Variants in NCKAP5 observed in about 807,000 individuals in gnomAD.
The protein encoded by NCKAP5 is nck-associated protein 5.
NCKAP5 carries 92 observed loss-of-function variants against 167.0 expected under a neutral mutation model. The observed-to-expected ratio is 0.55, with a 90% CI of 0.47 to 0.66. The LOEUF (loss-of-function observed/expected upper bound fraction) is 0.66, where lower values mean the gene tolerates loss of function less well. Among genes scored for constraint, NCKAP5 ranks in the 30% least tolerant of loss-of-function variants. The pLI, the probability that NCKAP5 is intolerant of heterozygous loss-of-function variation, is 0.00. For missense variants in NCKAP5, 2,378 were observed against 2,315.0 expected, an observed-to-expected ratio of 1.03 and a Z score of -0.56; for synonymous variants, 891 against 877.4, an observed-to-expected ratio of 1.02 and a Z score of -0.27.
At chr2:133,117,123 G>C (rs185706840) in intron 6 of NCKAP5, 2 of 152,230 alleles carry the variant, frequency 1.3e-5, no homozygotes, top group Admixed American at 1.3e-4. Context: ...AATATCTTCC[G>C]TAGAGGACTG....
chr2:133,182,664 G>A (rs2084786932), intron 5 of NCKAP5, among the ~76,000 whole-genome samples: 1 of 152,066 alleles, frequency 6.6e-6, no homozygotes, highest in South Asian at 2.1e-4. Context: ...TTCATACATT[G>A]GAAGAGAAGT....
chr2:133,493,598 A>G (rs75836564), intron 3 of NCKAP5, among the ~76,000 whole-genome samples: 1,570 of 152,318 alleles, frequency 0.01, 25 homozygotes, highest in African/African-American at 0.036. Context: ...CCCAAAAAGG[A>G]ATGAATAAAT....
rs1038913814 is a variant in NCKAP5 at position 133,330,642 on chromosome 2, G to T, written c.70-27532C>A. Among the ~76,000 whole-genome samples the T allele has an allele frequency of 2.5e-4, 38 of 152,126 alleles. No individual in the cohort carries two copies. In the East Asian group the frequency reaches 6.4e-3, roughly 26 times the overall value. ...CAGTGGCTCATGCCTATCACCCAAGGCTTTGGGAGGTTGAATCAGGAGGAT... is the reference window on the plus strand; with the variant it reads ...CAGTGGCTCATGCCTATCACCCAAGTCTTTGGGAGGTTGAATCAGGAGGAT... On this transcript the variant is annotated intron_variant, in intron 3 of 19. Coordinates refer to ENST00000409261, the MANE Select transcript of NCKAP5 (RefSeq NM_207363.3).
At chr2:133,036,077 A>G (rs549665534) in intron 6 of NCKAP5, among the ~76,000 whole-genome samples, 8 of 152,070 alleles carry the variant, frequency 5.3e-5, no homozygotes, top group African/African-American at 4.8e-5. Context: ...AAAATCTAGA[A>G]GAAATGGAAA....
chr2:133,158,183 T>C (rs1411971476), intron 5 of NCKAP5, among the ~76,000 whole-genome samples: 2 of 152,214 alleles, frequency 1.3e-5, no homozygotes, highest in African/African-American at 4.8e-5. Flanking sequence ...AGGTTTTCAC[T>C]GGAATCTATT....
chr2:133,453,469 A>G (rs1691668884), intron 3 of NCKAP5, among the ~76,000 whole-genome samples: 1 of 152,154 alleles, frequency 6.6e-6, no homozygotes, highest in African/African-American at 2.4e-5. Context: ...CTAACACATT[A>G]GTAATAGAGG....
intron 6 of NCKAP5, among the ~76,000 whole-genome samples, chr2:133,023,971 C>G (rs1052018647): frequency 6.6e-6 from 1 of 152,160 alleles, no homozygotes; most frequent in African/African-American, 2.4e-5. Flanking sequence ...ACTGGCTCTC[C>G]TGCATATATT....
chr2:133,076,839 G>C (rs1242430977), intron 6 of NCKAP5, among the ~76,000 whole-genome samples: 1 of 152,164 alleles, frequency 6.6e-6, no homozygotes, highest in Non-Finnish European at 1.5e-5. Flanking sequence ...AGAGCAAAGA[G>C]CCTTTCTGGA....
rs557166270 is a variant in NCKAP5 at position 133,448,302 on chromosome 2, G to A, written c.69+69156C>T. Among the ~76,000 whole-genome samples, 13 of 151,094 alleles carry A rather than the reference G, an allele frequency of 8.6e-5. No homozygotes were observed. The South Asian group carries it at 2.3e-3, about 27-fold the overall frequency. On this transcript the variant is annotated intron_variant, in intron 3 of 19. Coordinates refer to ENST00000409261, the MANE Select transcript of NCKAP5 (RefSeq NM_207363.3). ...TGGTGGCCACAATTTAAAAGCTTCC[G>A]GAAACTCTTTTCCACAAATCAAACC... is the stretch of plus-strand genomic sequence containing the variant.
intron 7 of NCKAP5, among the ~76,000 whole-genome samples, chr2:132,976,636 G>T (rs1002357937): frequency 2.0e-5 from 3 of 151,344 alleles, no homozygotes; most frequent in African/African-American, 7.3e-5. Flanking sequence ...ATTGCCAAAG[G>T]CATAGATTTT....
At chr2:133,615,192 A>G in the NCKAP5 span, among the ~76,000 whole-genome samples, 1 of 152,174 alleles carries the variant, frequency 6.6e-6, no homozygotes, top group Non-Finnish European at 1.5e-5. Flanking sequence ...CCACTGCAAA[A>G]TCATGCCAAA....
At chr2:132,934,758 T>C (rs766370514) in intron 8 of NCKAP5, among the ~76,000 whole-genome samples, 14 of 152,236 alleles carry the variant, frequency 9.2e-5, no homozygotes, top group Non-Finnish European at 1.9e-4. Context: ...CTAAGACTCA[T>C]AAACAAGAAG....
intron 5 of NCKAP5, among the ~76,000 whole-genome samples, chr2:133,212,710 T>G (rs1377023927): frequency 6.6e-6 from 1 of 152,310 alleles, no homozygotes; most frequent in East Asian, 1.9e-4. Flanking sequence ...AGATTCTTTC[T>G]GCATTAAGAT....
chr2:133,097,548 T>C (rs1298136279), intron 6 of NCKAP5, among the ~76,000 whole-genome samples: 1 of 152,220 alleles, frequency 6.6e-6, no homozygotes, highest in East Asian at 1.9e-4. Context: ...TAATGTTTTC[T>C]TGATCGTCAG....
chr2:132,776,405 C>T (rs1558754845), intron 15 of NCKAP5, among the ~76,000 whole-genome samples: 2 of 152,204 alleles, frequency 1.3e-5, no homozygotes, highest in East Asian at 3.9e-4. Flanking sequence ...TACCTGTCAG[C>T]TCCTTGCCAG....
intron 3 of NCKAP5, among the ~76,000 whole-genome samples, chr2:133,305,598 T>C (rs1040729841): frequency 6.6e-6 from 1 of 152,192 alleles, no homozygotes; most frequent in African/African-American, 2.4e-5. Context: ...TTATACACAC[T>C]AAATATTAGA....
chr2:132,890,361 G>A (rs185998312), intron 8 of NCKAP5, among the ~76,000 whole-genome samples: 73 of 151,988 alleles, frequency 4.8e-4, no homozygotes, highest in Non-Finnish European at 8.4e-4. Flanking sequence ...GCTATGCTAG[G>A]GGGTATACAA....
At chr2:133,551,309 A>C (rs1216955594) in intron 2 of NCKAP5, among the ~76,000 whole-genome samples, 1 of 150,024 alleles carries the variant, frequency 6.7e-6, no homozygotes, top group Non-Finnish European at 1.5e-5. Context: ...CAAAAGAACA[A>C]AGCTGGAGGC....
At chr2:132,781,844 T>G (rs533039393) in intron 14 of NCKAP5, 96 bp downstream of exon 14, 3 of 1,176,770 alleles carry the variant, frequency 2.5e-6, no homozygotes, top group Admixed American at 5.0e-5. Flanking sequence ...TGAAAAAACA[T>G]GCTTGACTGG....
Sources: gnomAD v4.1 joint callset for allele counts (sites outside exome capture counted in the v4.1 genomes callset) on GRCh38, gnomAD v4.1.1 for gene constraint, MANE v1.5 for transcripts, NCBI Gene and HGNC (gene_info 2026-07-23, HGNC 2026-07-21) for gene names.